Variants in TENM2 observed in about 807,000 individuals in gnomAD.
TENM2 encodes teneurin-2.
A neutral mutation model predicts 245.2 loss-of-function variants in TENM2; 52 were observed. The ratio of observed to expected loss-of-function variants is 0.21; its 90% CI spans 0.17 to 0.27. The LOEUF (loss-of-function observed/expected upper bound fraction) is 0.27. Among genes scored for constraint, TENM2 ranks in the 10% least tolerant of loss-of-function variants. The probability of loss-of-function intolerance (pLI) is 1.00; values close to 1 mark genes in which losing one functional copy is unlikely to be tolerated. For missense variants in TENM2, 3,046 were observed against 3,666.8 expected (o/e 0.83, Z 4.37); for synonymous variants, 1,363 against 1,438.9 (o/e 0.95, Z 1.19).
chr5:167,857,182 T>A (rs1005461268), intron 2 of TENM2, among the ~76,000 whole-genome samples: 1 of 152,274 alleles, frequency 6.6e-6, no homozygotes, highest in East Asian at 1.9e-4. Context: ...AAGTGGAACA[T>A]GTATAAAGGA....
chr5:167,426,599 T>C (rs1691242058), intron 2 of TENM2, among the ~76,000 whole-genome samples: 1 of 151,772 alleles, frequency 6.6e-6, no homozygotes, highest in South Asian at 2.1e-4. Flanking sequence ...AATGCTTCCA[T>C]TTCACTGCTT....
At chr5:167,201,615 G>A in the TENM2 span, among the ~76,000 whole-genome samples, 4 of 152,108 alleles carry the variant, frequency 2.6e-5, no homozygotes, top group African/African-American at 9.7e-5. Flanking sequence ...ATTAACTCAG[G>A]ATTTTTTTCT....
rs73803224 is a variant in TENM2, at chr5:167,835,121, A to C, written c.503-40865A>C. 9.9e-3 allele frequency among the ~76,000 whole-genome samples: 1,503 copies of C among 152,328 alleles called. 21 individuals are homozygous for C. The highest frequency in any genetic ancestry group is 0.034 in the African/African-American group (1,430 of 41,552). ...TTAAGGTGAGGTTATAAAAATGCCC[A>C]CATCATAGGGTCATGGTGAAAATGA... is the stretch of plus-strand genomic sequence containing the variant. On this transcript the variant is annotated intron_variant, in intron 2 of 28. Transcript: ENST00000518659.
At chr5:167,627,681 C>A (rs1426917897) in intron 2 of TENM2, among the ~76,000 whole-genome samples, 31 of 151,918 alleles carry the variant, frequency 2.0e-4, no homozygotes, top group Admixed American at 2.0e-3. Context: ...CCTCAGTCTC[C>A]CAAGTAGCTG....
the TENM2 span, among the ~76,000 whole-genome samples, chr5:167,252,944 A>G: frequency 6.6e-6 from 1 of 152,182 alleles, no homozygotes; most frequent in Non-Finnish European, 1.5e-5. Flanking sequence ...AAGAAGTTAA[A>G]TGAAGTATAA....
At chr5:167,498,396 T>A (rs1768953560) in intron 2 of TENM2, among the ~76,000 whole-genome samples, 1 of 152,152 alleles carries the variant, frequency 6.6e-6, no homozygotes, top group Non-Finnish European at 1.5e-5. Context: ...GTGCCTACTA[T>A]GCTCAGATTC....
chr5:167,540,488 A>C (rs1317205448), intron 2 of TENM2, among the ~76,000 whole-genome samples: 6 of 152,242 alleles, frequency 3.9e-5, no homozygotes, highest in Non-Finnish European at 7.3e-5. Flanking sequence ...CCATAAAAAA[A>C]ATTGTGTTGG....
chr5:167,905,160 C>A (rs1775989599), intron 3 of TENM2, among the ~76,000 whole-genome samples: 1 of 152,132 alleles, frequency 6.6e-6, no homozygotes, highest in South Asian at 2.1e-4. Context: ...AAAGAAACCC[C>A]CAAATGCGAA....
chr5:167,092,849 A>G, the TENM2 span, among the ~76,000 whole-genome samples: 1 of 152,202 alleles, frequency 6.6e-6, no homozygotes, highest in African/African-American at 2.4e-5. Context: ...ACCTTTCCCC[A>G]GTAAGAGATA....
At chr5:167,625,530 A>G (rs1341360547) in intron 2 of TENM2, among the ~76,000 whole-genome samples, 1 of 152,202 alleles carries the variant, frequency 6.6e-6, no homozygotes, top group Non-Finnish European at 1.5e-5. Context: ...ATCATTTTTT[A>G]TGTGTCTGTA....
chr5:168,262,118 A>G lies in TENM2; in HGVS notation c.7633A>G (p.Ile2545Val), dbSNP rs142439810. 1,859 of 1,614,022 alleles carry G rather than the reference A, an allele frequency of 1.2e-3. 1 individual carries two copies. Among genetic ancestry groups the G allele is most frequent in the Non-Finnish European group, 1.5e-3 (1,725 of 1,179,896 alleles). The change falls in exon 29 of 29, where the codon ATT (isoleucine) becomes GTT (valine). Residue 2545 changes from isoleucine to valine, a missense_variant. Physicochemically the swap from Ile to Val is conservative, Grantham distance 29. Around this residue, in one of 2 missense-constraint regions of TENM2, gnomAD observed 2,704 missense variants for 3,331.9 expected, o/e 0.81. Coordinates refer to ENST00000518659, the Ensembl canonical transcript of TENM2. ...CTTCATGGCTCTGGAAGGACAGGTC[A>G]TTACTAAAAAGCTCCACGCCAGCAT...
the TENM2 span, among the ~76,000 whole-genome samples, chr5:167,016,998 C>G: frequency 3.9e-5 from 6 of 152,282 alleles, no homozygotes; most frequent in South Asian, 2.1e-4. Flanking sequence ...CAATCCCTAG[C>G]AAGAGGGAAG....
At chr5:168,145,095 A>G (rs1376935176) in intron 12 of TENM2, among the ~76,000 whole-genome samples, 2 of 150,060 alleles carry the variant, frequency 1.3e-5, no homozygotes, top group African/African-American at 4.9e-5. Context: ...TTGTCAGATG[A>G]GTAGGTTGCG....
chr5:167,050,463 A>T, the TENM2 span, among the ~76,000 whole-genome samples: 8 of 152,174 alleles, frequency 5.3e-5, no homozygotes, highest in Admixed American at 4.6e-4. Flanking sequence ...AAAAGGTTGG[A>T]GACCGCTGGT....
chr5:167,383,191 T>C (rs1761194734), intron 2 of TENM2, among the ~76,000 whole-genome samples: 2 of 152,254 alleles, frequency 1.3e-5, no homozygotes, highest in South Asian at 2.1e-4. Flanking sequence ...TCAATAAATA[T>C]AAATTGACCA....
At chr5:167,964,815 C>T (rs1310110785) in intron 4 of TENM2, among the ~76,000 whole-genome samples, 2 of 152,140 alleles carry the variant, frequency 1.3e-5, no homozygotes, top group African/African-American at 2.4e-5. Context: ...GAAAGGTAGG[C>T]AAGGGCAAGA....
intron 25 of TENM2, among the ~76,000 whole-genome samples, chr5:168,231,715 G>GGCAATATAGCAAAACC (rs553910210): frequency 3.3e-5 from 5 of 151,478 alleles, no homozygotes; most frequent in Admixed American, 2.6e-4. Flanking sequence ...GACCAGCCTA[G>GGCAATATAGCAAAACC]GCAATATAGC....
intron 2 of TENM2, among the ~76,000 whole-genome samples, chr5:167,404,716 T>C (rs759562276): frequency 4.6e-5 from 7 of 152,184 alleles, no homozygotes; most frequent in Non-Finnish European, 1.0e-4. Flanking sequence ...TCTTTCTGCT[T>C]CTTCATGCCC....
chr5:167,795,473 G>A (rs1455174290), intron 2 of TENM2, among the ~76,000 whole-genome samples: 1 of 152,146 alleles, frequency 6.6e-6, no homozygotes, highest in Non-Finnish European at 1.5e-5. Context: ...TGGAAAAGAT[G>A]TTAAGGGAGA....
Sources: gnomAD v4.1 joint callset for allele counts (sites outside exome capture counted in the v4.1 genomes callset) on GRCh38, gnomAD v4.1.1 for gene constraint, gnomAD v4.1.1 regional missense constraint, MANE v1.5 for transcripts, NCBI Gene and HGNC (gene_info 2026-07-23, HGNC 2026-07-21) for gene names.